The following RAD52 variants were observed in gnomAD, a reference collection of about 807,000 sequenced individuals.
The protein encoded by RAD52 is DNA repair protein RAD52 homolog.
A neutral mutation model predicts 55.5 loss-of-function variants in RAD52; 47 were observed. The observed-to-expected ratio is 0.85, with a 90% confidence interval of 0.67 to 1.08. RAD52 has a LOEUF of 1.08. RAD52 is among the 50% of genes least tolerant of loss of function. RAD52 has a pLI of 0.00. For synonymous variants in RAD52, 184 were observed against 198.9 expected, an observed-to-expected ratio of 0.92 and a Z score of 0.63; for missense variants, 468 against 522.8, an observed-to-expected ratio of 0.90 and a Z score of 1.02.
intron 1 of RAD52, among the ~76,000 whole-genome samples, chr12:987,015 G>A (rs773721403): frequency 6.6e-6 from 1 of 152,064 alleles, no homozygotes; most frequent in Non-Finnish European, 1.5e-5. Context: ...TCACTGCCCA[G>A]GCTGGAGCGC....
At chr12:925,101 C>A (rs965822083) in intron 7 of RAD52, among the ~76,000 whole-genome samples, 2 of 152,002 alleles carry the variant, frequency 1.3e-5, no homozygotes, top group African/African-American at 2.4e-5. Flanking sequence ...CAGGCGCCCA[C>A]CACCTCGCCC....
intron 1 of RAD52, among the ~76,000 whole-genome samples, chr12:945,166 C>T (rs1277800812): frequency 6.6e-6 from 1 of 151,982 alleles, no homozygotes; most frequent in African/African-American, 2.4e-5. Flanking sequence ...GCCCGGCTAA[C>T]ATGATGAAAC....
intron 1 of RAD52, among the ~76,000 whole-genome samples, chr12:971,037 T>A (rs947602154): frequency 1.3e-5 from 2 of 152,186 alleles, no homozygotes; most frequent in African/African-American, 4.8e-5. Context: ...TTTTTTTCCA[T>A]GGAATTTTAT....
chr12:961,309 C>CA (rs60547688), intron 1 of RAD52, among the ~76,000 whole-genome samples: 990 of 33,152 alleles, frequency 0.03, 38 homozygotes, highest in East Asian at 0.11. Context: ...GACTCCATCT[C>CA]AAAAAAAAAA....
intron 4 of RAD52, 77 bp from the exon 5 acceptor site, chr12:929,963 G>A: frequency 6.4e-7 from 1 of 1,567,102 alleles, no homozygotes. Flanking sequence ...TGGCAGCTGA[G>A]TCCACCTACC....
chr12:984,000 A>T (rs1258338513), intron 1 of RAD52, among the ~76,000 whole-genome samples: 1 of 152,204 alleles, frequency 6.6e-6, no homozygotes, highest in Non-Finnish European at 1.5e-5. Context: ...TGTAAGTAAC[A>T]TAACACTTTA....
Position 943,569 on chromosome 12 carries a change from G to A in RAD52, c.-19+6033C>T, listed in dbSNP as rs558685262. On this transcript the variant is annotated intron_variant, in intron 1 of 11. Transcript: ENST00000358495. ...TCACTATATTGCTCAGGCTGGTCTC[G>A]AACTCCTGAGCTCAAGTGATCCCCC... Among the ~76,000 whole-genome samples, 6 of 152,168 alleles carry A rather than the reference G, an allele frequency of 3.9e-5. No individual in the cohort carries two copies. The South Asian group carries it at 8.3e-4, about 21-fold the overall frequency.
chr12:950,696 A>C (rs1046979476), upstream of RAD52, among the ~76,000 whole-genome samples: 3 of 151,892 alleles, frequency 2.0e-5, no homozygotes, highest in African/African-American at 7.3e-5. Flanking sequence ...TACAGGTATG[A>C]GCCACTGCAC....
chr12:990,952 A>AGTGTGTGTGTGAGT (rs1959180740), upstream of RAD52: 1 of 150,032 alleles, frequency 6.7e-6, no homozygotes, highest in Admixed American at 6.6e-5. Context: ...TGTGTGTGTG[A>AGTGTGTGTGTGAGT]GTGTGTGTGT....
At chr12:957,267 G>A (rs1288973339) in intron 1 of RAD52, among the ~76,000 whole-genome samples, 3 of 151,972 alleles carry the variant, frequency 2.0e-5, no homozygotes, top group African/African-American at 4.8e-5. Flanking sequence ...AGACTAGCCT[G>A]GCCAACATGG....
At chr12:980,007 G>C (rs549005395) in intron 1 of RAD52, among the ~76,000 whole-genome samples, 1 of 151,936 alleles carries the variant, frequency 6.6e-6, no homozygotes, top group African/African-American at 2.4e-5. Flanking sequence ...AGATCGTGCC[G>C]ATGAAACCCC....
At chr12:956,798 C>T (rs187951107) in intron 1 of RAD52, among the ~76,000 whole-genome samples, 42 of 152,314 alleles carry the variant, frequency 2.8e-4, no homozygotes, top group Non-Finnish European at 7.3e-5. Flanking sequence ...CTGCCTACCT[C>T]GGCCTCCCAA....
intron 1 of RAD52, among the ~76,000 whole-genome samples, chr12:988,427 T>C (rs1375560665): frequency 6.6e-6 from 1 of 152,194 alleles, no homozygotes; most frequent in African/African-American, 2.4e-5. Context: ...CTTAGTTGTC[T>C]GTTCATACGT....
At chr12:965,067 C>T (rs1419416198) in intron 1 of RAD52, among the ~76,000 whole-genome samples, 1 of 151,916 alleles carries the variant, frequency 6.6e-6, no homozygotes, top group Non-Finnish European at 1.5e-5. Context: ...GCAACCTCTG[C>T]CTCCTGGGTT....
At chr12:942,843 A>G (rs1957992187) in intron 1 of RAD52, among the ~76,000 whole-genome samples, 1 of 152,152 alleles carries the variant, frequency 6.6e-6, no homozygotes, top group Non-Finnish European at 1.5e-5. Context: ...CAGTAACTAT[A>G]AAAGAAAATA....
intron 1 of RAD52, among the ~76,000 whole-genome samples, chr12:980,813 G>A (rs1235612133): frequency 6.6e-6 from 1 of 152,034 alleles, no homozygotes; most frequent in African/African-American, 2.4e-5. Flanking sequence ...CTTGGCTAGG[G>A]CTGCCATAAC....
chr12:989,560 CAAAAAAT>C (rs893713690), intron 1 of RAD52, among the ~76,000 whole-genome samples: 1 of 151,884 alleles, frequency 6.6e-6, no homozygotes, highest in Non-Finnish European at 1.5e-5. Flanking sequence ...AGTGTGGTGG[CAAAAAAT>C]AAAAAACAAA....
upstream of RAD52, among the ~76,000 whole-genome samples, chr12:953,032 C>T (rs1322382811): frequency 5.9e-5 from 2 of 34,032 alleles, no homozygotes; most frequent in Non-Finnish European, 1.1e-4. Context: ...GGGAGACGCC[C>T]GGGCCAGGTG....
intron 7 of RAD52, among the ~76,000 whole-genome samples, chr12:923,878 C>T (rs995881438): frequency 2.7e-4 from 40 of 147,920 alleles, no homozygotes; most frequent in African/African-American, 7.0e-4. Flanking sequence ...GCCAACAGGA[C>T]GAAACCCCAT....
Sources: gnomAD v4.1 joint callset for allele counts (sites outside exome capture counted in the v4.1 genomes callset) on GRCh38, gnomAD v4.1.1 for gene constraint, MANE v1.5 for transcripts, NCBI Gene and HGNC (gene_info 2026-07-23, HGNC 2026-07-21) for gene names.